ZNF608: variants seen among roughly 807,000 people sequenced by gnomAD.
The protein encoded by ZNF608 is zinc finger protein 608, also known as renal carcinoma antigen NY-REN-36.
A neutral mutation model predicts 109.0 loss-of-function variants in ZNF608; 12 were observed. The ratio of observed to expected loss-of-function variants is 0.11; its 90% CI spans 0.07 to 0.18. The LOEUF (loss-of-function observed/expected upper bound fraction) is 0.18. Ranked by LOEUF, ZNF608 falls within the 10% of genes least tolerant of loss-of-function variation. The probability of loss-of-function intolerance (pLI) is 1.00; values close to 1 mark genes in which losing one functional copy is unlikely to be tolerated. For missense variants in ZNF608, 1,707 were observed against 1,879.3 expected, an observed-to-expected ratio of 0.91 and a Z score of 1.70; for synonymous variants, 732 against 717.4, an observed-to-expected ratio of 1.02 and a Z score of -0.33.
chr5:124,646,653 G>A, intron 5 of ZNF608, 26 bp downstream of exon 5: 1 of 1,596,088 alleles, frequency 6.3e-7, no homozygotes, highest in Non-Finnish European at 8.6e-7. Flanking sequence ...CTCTCTCCCT[G>A]TTGGGGCCAC....
chr5:124,694,281 C>T (rs1290303179), intron 3 of ZNF608, among the ~76,000 whole-genome samples: 1 of 151,030 alleles, frequency 6.6e-6, no homozygotes, highest in Non-Finnish European at 1.5e-5. Flanking sequence ...GCTTGAGCCA[C>T]TGCGCCCGGC....
At chr5:124,708,989 T>A (rs1326679255) in intron 2 of ZNF608, among the ~76,000 whole-genome samples, 1 of 151,658 alleles carries the variant, frequency 6.6e-6, no homozygotes, top group East Asian at 1.9e-4. Context: ...CTGACCAACA[T>A]GGAAAAACCC....
intron 3 of ZNF608, among the ~76,000 whole-genome samples, chr5:124,675,966 G>GTT (rs1389796655): frequency 9.9e-5 from 15 of 152,202 alleles, no homozygotes. Context: ...CTGGGAGGTA[G>GTT]TATCTCTGCC....
chr5:124,714,073 T>C (rs1349601941), intron 2 of ZNF608, among the ~76,000 whole-genome samples: 1 of 152,164 alleles, frequency 6.6e-6, no homozygotes, highest in Admixed American at 6.5e-5. Flanking sequence ...TGGGTGCTAA[T>C]GACAACCAAG....
At chr5:124,695,822 A>G (rs1313990445) in intron 3 of ZNF608, among the ~76,000 whole-genome samples, 1 of 152,032 alleles carries the variant, frequency 6.6e-6, no homozygotes, top group Non-Finnish European at 1.5e-5. Flanking sequence ...TTTAAATACT[A>G]TCATCTTTAT....
chr5:124,665,698 G>A (rs979792095), intron 3 of ZNF608, among the ~76,000 whole-genome samples: 11 of 152,144 alleles, frequency 7.2e-5, no homozygotes, highest in Non-Finnish European at 1.0e-4. Flanking sequence ...CAGTTTTACT[G>A]GACTATTACA....
chr5:124,678,770 G>T (rs1230845093), intron 3 of ZNF608, among the ~76,000 whole-genome samples: 1 of 152,180 alleles, frequency 6.6e-6, no homozygotes, highest in Non-Finnish European at 1.5e-5. Flanking sequence ...CAACAGGTAA[G>T]TGACTGGACT....
intron 2 of ZNF608, among the ~76,000 whole-genome samples, chr5:124,732,529 G>C (rs1227199369): frequency 1.4e-5 from 2 of 145,880 alleles, no homozygotes; most frequent in African/African-American, 5.1e-5. Context: ...TAGGAAAGGG[G>C]TTTTTTTGTT....
chr5:124,744,172 G>A lies in ZNF608; in HGVS notation c.818C>T (p.Ser273Leu), dbSNP rs770222029. ...AGEVSKSAPD[S>L]GLMGNSMLVK... ...CAACATAGAGTTTCCCATGAGCCCT[G>A]AATCCGGGGCACTTTTGCTAACTTC... Residue 273 changes from serine (S) to leucine (L), a missense_variant, in exon 2 of 10, where the codon TCA (serine) becomes TTA (leucine). Around this residue, in one of 7 missense-constraint regions of ZNF608, gnomAD observed 407 missense variants for 398.7 expected, o/e 1.02. Transcript: ENST00000513986. This position sits in a 1 kb window ranked among gnomAD's most constrained non-coding sequence, Gnocchi z 4.5. 1.9e-6 allele frequency: 3 copies of A among 1,613,610 alleles called. No individual in the cohort carries two copies. Among genetic ancestry groups the A allele is most frequent in the Admixed American group, 3.3e-5 (2 of 60,024 alleles).
At chr5:124,720,684 T>C (rs1753867661) in intron 2 of ZNF608, among the ~76,000 whole-genome samples, 1 of 152,198 alleles carries the variant, frequency 6.6e-6, no homozygotes, top group Non-Finnish European at 1.5e-5. Flanking sequence ...ATGAATGACC[T>C]ATGATTAAAG....
At chr5:124,697,963 C>T (rs576061033) in intron 3 of ZNF608, among the ~76,000 whole-genome samples, 2 of 152,284 alleles carry the variant, frequency 1.3e-5, no homozygotes, top group African/African-American at 2.4e-5. Flanking sequence ...CTACCAGTTA[C>T]ACAATACTCT....
intron 3 of ZNF608, among the ~76,000 whole-genome samples, chr5:124,697,927 G>A (rs987824778): frequency 2.0e-5 from 3 of 152,040 alleles, no homozygotes; most frequent in East Asian, 1.9e-4. Flanking sequence ...ATGAACGCAC[G>A]TAACAAATTA....
chr5:124,726,050 T>C (rs903787171), intron 2 of ZNF608, among the ~76,000 whole-genome samples: 1 of 152,322 alleles, frequency 6.6e-6, no homozygotes, highest in African/African-American at 2.4e-5. Context: ...CAGAAACGAT[T>C]TGTGCTAATG....
rs539860440 is a variant in ZNF608, at chr5:124,706,625, A to G, written c.907-5356T>C. 1.2e-4 allele frequency among the ~76,000 whole-genome samples: 18 copies of G among 152,310 alleles called. No individual in the cohort carries two copies. The East Asian group carries it at 3.5e-3, about 29-fold the overall frequency. ...TCAGAATAGAGAACTGGCCTGTTTT[A>G]GCAATGGTTTCTTTGTCAAAGCTCT... On this transcript the variant is annotated intron_variant, in intron 2 of 9. Transcript: ENST00000513986.
chr5:124,720,515 C>T (rs1489991894), intron 2 of ZNF608, among the ~76,000 whole-genome samples: 4 of 152,176 alleles, frequency 2.6e-5, no homozygotes, highest in African/African-American at 9.7e-5. Flanking sequence ...TCAGGTGAAA[C>T]AGACTTTCAT....
chr5:124,653,439 T>C (rs1750877118), intron 3 of ZNF608, among the ~76,000 whole-genome samples: 1 of 152,174 alleles, frequency 6.6e-6, no homozygotes, highest in Non-Finnish European at 1.5e-5. Context: ...TAGGTGCCTA[T>C]TTAGTGCTAT....
chr5:124,665,102 G>C (rs1451412325), intron 3 of ZNF608, among the ~76,000 whole-genome samples: 4 of 151,960 alleles, frequency 2.6e-5, no homozygotes, highest in African/African-American at 9.7e-5. Context: ...CTTAAACCCA[G>C]GAGGCGGAGG....
chr5:124,722,801 A>G (rs930913778), intron 2 of ZNF608, among the ~76,000 whole-genome samples: 4 of 152,170 alleles, frequency 2.6e-5, no homozygotes, highest in Admixed American at 2.6e-4. Flanking sequence ...CTGAGACTGA[A>G]TATTTGTGGA....
intron 2 of ZNF608, among the ~76,000 whole-genome samples, chr5:124,715,751 A>C (rs1367190670): frequency 1.3e-5 from 2 of 152,202 alleles, no homozygotes; most frequent in Non-Finnish European, 2.9e-5. Context: ...TTTATTTTTA[A>C]TATTACCAAC....
Sources: gnomAD v4.1 joint callset for allele counts (sites outside exome capture counted in the v4.1 genomes callset) on GRCh38, gnomAD v4.1.1 for gene constraint, gnomAD v4.1.1 regional missense constraint, Gnocchi (gnomAD v3.1) non-coding constraint, MANE v1.5 for transcripts, NCBI Gene and HGNC (gene_info 2026-07-23, HGNC 2026-07-21) for gene names.